Variants in SLC1A2 observed in about 807,000 individuals in gnomAD.
The protein encoded by SLC1A2 is excitatory amino acid transporter 2.
In SLC1A2, 15 loss-of-function variants were observed where a neutral mutation model predicts 48.8. The observed-to-expected ratio is 0.31, with a 90% confidence interval of 0.21 to 0.47. The LOEUF is 0.47. Among genes scored for constraint, SLC1A2 ranks in the 20% least tolerant of loss-of-function variants. SLC1A2 has a pLI of 0.99. For missense variants in SLC1A2, 502 were observed against 730.5 expected, an observed-to-expected ratio of 0.69 and a Z score of 3.61; for synonymous variants, 279 against 272.6, an observed-to-expected ratio of 1.02 and a Z score of -0.23.
At chr11:35,397,422 A>G (rs1487704999) in intron 1 of SLC1A2, among the ~76,000 whole-genome samples, 1 of 146,798 alleles carries the variant, frequency 6.8e-6, no homozygotes, top group African/African-American at 2.5e-5. Flanking sequence ...AAAACAAGCA[A>G]TGGGGAAAGG....
At chr11:35,280,394 C>T (rs1850588184) in intron 9 of SLC1A2, 1 of 152,474 alleles carries the variant, frequency 6.6e-6, no homozygotes, top group African/African-American at 2.4e-5. Context: ...AACTCCTAAC[C>T]TCAGATGATC....
chr11:35,403,302 T>C (rs1855188975), intron 1 of SLC1A2, among the ~76,000 whole-genome samples: 1 of 152,246 alleles, frequency 6.6e-6, no homozygotes. Flanking sequence ...TTTGCCTAGG[T>C]CTTTCTGAGT....
intron 4 of SLC1A2, among the ~76,000 whole-genome samples, chr11:35,307,621 T>G (rs1170448313): frequency 1.3e-5 from 2 of 152,196 alleles, no homozygotes; most frequent in Non-Finnish European, 2.9e-5. Context: ...CGGAAGAAGA[T>G]GTACGGGAAA....
At chr11:35,270,097 ACT>A (rs1850237338) in intron 9 of SLC1A2, among the ~76,000 whole-genome samples, 1 of 152,194 alleles carries the variant, frequency 6.6e-6, no homozygotes, top group South Asian at 2.1e-4. Flanking sequence ...ATAGAGCAAG[ACT>A]CTGTCTCAAA....
At chr11:35,373,094 C>A (rs966507995) in intron 1 of SLC1A2, among the ~76,000 whole-genome samples, 1 of 152,144 alleles carries the variant, frequency 6.6e-6, no homozygotes, top group South Asian at 2.1e-4. Context: ...TTCAGAAGCA[C>A]GACACACCAG....
chr11:35,279,631 C>T (rs1316898585), intron 9 of SLC1A2, among the ~76,000 whole-genome samples: 2 of 152,184 alleles, frequency 1.3e-5, no homozygotes, highest in African/African-American at 4.8e-5. Flanking sequence ...GCTACCACTG[C>T]CTTTAGAAGC....
At chr11:35,264,317 A>T (rs1950444115) in intron 10 of SLC1A2, among the ~76,000 whole-genome samples, 1 of 152,218 alleles carries the variant, frequency 6.6e-6, no homozygotes, top group Non-Finnish European at 1.5e-5. Context: ...ATGTATTTGT[A>T]ATGACCCAGA....
chr11:35,299,940 T>TTTTA (rs1851296587), intron 6 of SLC1A2, among the ~76,000 whole-genome samples: 1 of 152,070 alleles, frequency 6.6e-6, no homozygotes, highest in Non-Finnish European at 1.5e-5. Context: ...CTAAGAGTGG[T>TTTTA]TTTATTTTTT....
rs1031065162 is a variant in SLC1A2 at position 35,254,011 on chromosome 11, A to T, written c.*6883T>A. 2 of 152,366 alleles carry T rather than the reference A, an allele frequency of 1.3e-5. No homozygotes were observed. The highest frequency in any genetic ancestry group is 4.8e-5 in the African/African-American group (2 of 41,424). 9.4% of individuals were successfully genotyped at this position (152,366 alleles called of 1,614,324 possible). ...AGCAAACAAGCTAGGGGATTTGTTT[A>T]AAAAAATGTAAGACTGGGCTGGAGG... On this transcript the variant is annotated 3_prime_UTR_variant, in exon 11 of 11. Transcript: ENST00000278379.
At chr11:35,314,097 A>G (rs1218308310) in intron 3 of SLC1A2, among the ~76,000 whole-genome samples, 2 of 152,240 alleles carry the variant, frequency 1.3e-5, no homozygotes, top group African/African-American at 2.4e-5. Context: ...GTATAAGCCC[A>G]CAGAGGAAGA....
chr11:35,367,806 G>C (rs79063243), intron 1 of SLC1A2, among the ~76,000 whole-genome samples: 3,752 of 152,264 alleles, frequency 0.025, 137 homozygotes, highest in African/African-American at 0.086. Flanking sequence ...GTTGAACACT[G>C]ACTGATTCTT....
chr11:35,290,187 G>T (rs1850951251), intron 7 of SLC1A2, among the ~76,000 whole-genome samples: 1 of 152,166 alleles, frequency 6.6e-6, no homozygotes, highest in Admixed American at 6.5e-5. Flanking sequence ...CTGTCAATGT[G>T]CATACCATTT....
rs1950277504 is a variant in SLC1A2, at chr11:35,253,967, A to G, written c.*6927T>C. The stretch of plus-strand genomic sequence containing the variant: ...ATCCAGGTCTATAAATACATTTTCT[A>G]ATGCTCTTTATAAATAATAGCAAAC... On this transcript the variant is annotated 3_prime_UTR_variant, in exon 11 of 11. Coordinates refer to ENST00000278379, the MANE Select transcript of SLC1A2 (RefSeq NM_004171.4). 1 of 152,458 alleles carries G rather than the reference A, an allele frequency of 6.6e-6. No individual in the cohort carries two copies. The highest frequency in any genetic ancestry group is 1.5e-5 in the Non-Finnish European group (1 of 68,050). The allele number at this position is 152,458 out of a possible 1,614,324, so 9.4% of individuals were successfully genotyped here. A position where few individuals can be genotyped will look rare whatever the true frequency, so the allele number is the denominator to read the frequency against.
At chr11:35,309,237 C>T (rs1321483392) in intron 4 of SLC1A2, among the ~76,000 whole-genome samples, 1 of 152,128 alleles carries the variant, frequency 6.6e-6, no homozygotes, top group Non-Finnish European at 1.5e-5. Flanking sequence ...TTTTGGTCTA[C>T]CTCCCTCCCC....
Position 35,418,942 on chromosome 11 carries a change from C to A in SLC1A2, c.17+8G>T. 1 of 1,563,444 alleles carries A rather than the reference C, an allele frequency of 6.4e-7. No homozygotes were observed. The highest frequency in any genetic ancestry group is 8.7e-7 in the Non-Finnish European group (1 of 1,152,520). On this transcript the variant is annotated splice_region_variant and intron_variant, in intron 1 of 10. Transcript: ENST00000278379. ...CTTTCCCGCGGGTACAGATAAAAAT[C>A]CCCTCACCCTTCCGTAGATGCCATG...
rs112572672 is a variant in SLC1A2, at chr11:35,280,674, G to A, written c.1421+193C>T. 9.9e-3 allele frequency: 5,191 copies of A among 524,580 alleles called. 214 individuals are homozygous for A. Among genetic ancestry groups the A allele is most frequent in the African/African-American group, 0.089 (4,559 of 51,468 alleles). 32.5% of individuals were successfully genotyped at this position (524,580 alleles called of 1,614,324 possible). ...TCTGATTCCTCCACTAGACTGTGAC[G>A]CCTTCAAATATTTCATCTTTTTCTT... On this transcript the variant is annotated intron_variant, in intron 9 of 10. Coordinates refer to ENST00000278379, the MANE Select transcript of SLC1A2 (RefSeq NM_004171.4).
intron 7 of SLC1A2, among the ~76,000 whole-genome samples, chr11:35,288,105 C>T (rs1850883101): frequency 6.6e-6 from 1 of 152,154 alleles, no homozygotes; most frequent in South Asian, 2.1e-4. Flanking sequence ...AGACCATCTG[C>T]TCCAGGGAAG....
At chr11:35,262,126 C>T (rs1230684402) in intron 10 of SLC1A2, among the ~76,000 whole-genome samples, 1 of 152,192 alleles carries the variant, frequency 6.6e-6, no homozygotes, top group African/African-American at 2.4e-5. Flanking sequence ...AGAGCTGCAG[C>T]AAATTTGTTT....
At chr11:35,314,844 G>A in intron 3 of SLC1A2, 179 bp downstream of exon 3, 1 of 429,070 alleles carries the variant, frequency 2.3e-6, no homozygotes. Flanking sequence ...CTAATCGATG[G>A]CAAGCTTTTA....
Sources: allele counts gnomAD v4.1 joint callset (sites outside exome capture counted in the v4.1 genomes callset), GRCh38; gene constraint gnomAD v4.1.1; transcripts MANE v1.5; gene names NCBI Gene and HGNC (gene_info 2026-07-23, HGNC 2026-07-21).